Variants in OPCML observed in about 807,000 individuals in gnomAD.
The protein encoded by OPCML is opioid binding protein/cell adhesion molecule like, also known as opioid-binding protein/cell adhesion molecule.
Under a neutral mutation model 37.8 loss-of-function variants are expected in OPCML, and 13 were observed. The ratio of observed to expected loss-of-function variants is 0.34; its 90% CI spans 0.22 to 0.55. OPCML has a LOEUF of 0.55. Ranked by LOEUF, OPCML falls within the 20% of genes least tolerant of loss-of-function variation. OPCML has a pLI of 0.91. For missense variants in OPCML, 341 were observed against 435.6 expected (o/e 0.78, Z 1.93); for synonymous variants, 176 against 168.8 (o/e 1.04, Z -0.33).
Position 132,699,297 on chromosome 11 carries a change from C to T in OPCML, c.147-41978G>A, listed in dbSNP as rs188708676. Among the ~76,000 whole-genome samples, 235 of 152,136 alleles carry T rather than the reference C, an allele frequency of 1.5e-3. 1 individual carries two copies. The highest frequency in any genetic ancestry group is 1.8e-3 in the Non-Finnish European group (119 of 67,914). The stretch of plus-strand genomic sequence containing the variant: ...TATTTAAGATTATGTCATCTGCAAA[C>T]GGAGACAATTTTACTTCTTCTTTTC... On this transcript the variant is annotated intron_variant, in intron 2 of 7. Transcript: ENST00000524381.
intron 3 of OPCML, among the ~76,000 whole-genome samples, chr11:132,634,819 G>A (rs957305453): frequency 2.0e-5 from 3 of 152,040 alleles, no homozygotes. Flanking sequence ...GTAGATCCCA[G>A]AGTGAAGTCA....
chr11:132,537,987 T>C (rs2096345501), intron 3 of OPCML, among the ~76,000 whole-genome samples: 1 of 152,184 alleles, frequency 6.6e-6, no homozygotes, highest in Non-Finnish European at 1.5e-5. Flanking sequence ...ACAGCCACCT[T>C]GGAGGACAGT....
intron 4 of OPCML, among the ~76,000 whole-genome samples, chr11:132,443,298 G>C (rs1479705227): frequency 1.3e-5 from 2 of 152,206 alleles, no homozygotes; most frequent in African/African-American, 4.8e-5. Flanking sequence ...GTGGGGAAGG[G>C]GAAGTGGGAG....
chr11:133,472,720 A>AT (rs1264163923), intron 1 of OPCML, among the ~76,000 whole-genome samples: 6 of 151,846 alleles, frequency 4.0e-5, no homozygotes, highest in Non-Finnish European at 8.8e-5. Flanking sequence ...GAATCCTTTC[A>AT]TTTTTTCTCA....
chr11:132,748,063 CT>C (rs34569655), intron 2 of OPCML, among the ~76,000 whole-genome samples: 53,731 of 140,324 alleles, frequency 0.38, 9,778 homozygotes, highest in Middle Eastern at 0.51. Flanking sequence ...AGCTGCTTGT[CT>C]TTTTTTTTTT....
At chr11:133,477,436 G>A (rs980004966) in intron 1 of OPCML, among the ~76,000 whole-genome samples, 2 of 152,200 alleles carry the variant, frequency 1.3e-5, no homozygotes, top group African/African-American at 4.8e-5. Context: ...GCGATCCTCA[G>A]TGCACTAGAG....
chr11:133,495,691 T>A (rs1283712648), intron 1 of OPCML, among the ~76,000 whole-genome samples: 2 of 152,218 alleles, frequency 1.3e-5, no homozygotes, highest in Non-Finnish European at 2.9e-5. Flanking sequence ...TGTTGGCCAT[T>A]TGTATATCTT....
At chr11:133,458,847 G>GCACGTGTGTGTGTATCTACACATAGATA (rs1946788455) in intron 1 of OPCML, among the ~76,000 whole-genome samples, 2 of 135,074 alleles carry the variant, frequency 1.5e-5, no homozygotes, top group African/African-American at 6.7e-5. Flanking sequence ...ACACATAGAT[G>GCACGTGTGTGTGTATCTACACATAGATA]CACGTGTGTG....
intron 1 of OPCML, among the ~76,000 whole-genome samples, chr11:133,259,492 G>A (rs73598483): frequency 6.6e-6 from 1 of 152,102 alleles, no homozygotes; most frequent in Non-Finnish European, 1.5e-5. Context: ...ATTTCTTCTT[G>A]TAAAACTCTG....
chr11:133,357,456 C>A (rs1313773479), intron 1 of OPCML, among the ~76,000 whole-genome samples: 1 of 152,142 alleles, frequency 6.6e-6, no homozygotes, highest in East Asian at 1.9e-4. Flanking sequence ...GTTGGGAAAA[C>A]GTTTATCTGC....
chr11:133,303,941 C>G (rs984201765), intron 1 of OPCML, among the ~76,000 whole-genome samples: 1 of 152,174 alleles, frequency 6.6e-6, no homozygotes, highest in African/African-American at 2.4e-5. Flanking sequence ...TGCTATCATT[C>G]TATGTTTTTG....
chr11:132,836,366 G>A (rs1010138508), intron 2 of OPCML, among the ~76,000 whole-genome samples: 2 of 152,184 alleles, frequency 1.3e-5, no homozygotes, highest in Non-Finnish European at 2.9e-5. Context: ...TACAGCATGA[G>A]CCAGCTCTAG....
intron 1 of OPCML, chr11:133,025,221 G>A (rs1947529040): frequency 1.4e-6 from 1 of 705,062 alleles, no homozygotes; most frequent in Non-Finnish European, 1.7e-6. Context: ...TCATAGAAAT[G>A]TAAATTATTT....
chr11:133,035,749 G>T (rs1947767742), intron 1 of OPCML, among the ~76,000 whole-genome samples: 1 of 152,072 alleles, frequency 6.6e-6, no homozygotes, highest in South Asian at 2.1e-4. Flanking sequence ...CGTCAGGGTT[G>T]GCCCTAATCC....
chr11:133,461,973 A>G (rs11223476), intron 1 of OPCML, among the ~76,000 whole-genome samples: 20,092 of 151,974 alleles, frequency 0.13, 3,165 homozygotes, highest in African/African-American at 0.37. Flanking sequence ...GAAACAAACC[A>G]TAAAATATAT....
chr11:133,392,285 GA>G (rs1314578457), intron 1 of OPCML, among the ~76,000 whole-genome samples: 2 of 152,172 alleles, frequency 1.3e-5, no homozygotes, highest in Non-Finnish European at 2.9e-5. Flanking sequence ...CACAGTGAGA[GA>G]AGCATCCGAG....
intron 3 of OPCML, among the ~76,000 whole-genome samples, chr11:132,611,116 T>C (rs1938611835): frequency 6.6e-6 from 1 of 152,220 alleles, no homozygotes; most frequent in Non-Finnish European, 1.5e-5. Context: ...ACCTAGCTCA[T>C]TTGGTTTTCA....
intron 2 of OPCML, among the ~76,000 whole-genome samples, chr11:132,723,061 C>T (rs141451038): frequency 1.3e-5 from 2 of 152,110 alleles, no homozygotes; most frequent in African/African-American, 2.4e-5. Flanking sequence ...AAAAGAGAAC[C>T]TGATAATGCA....
chr11:133,252,853 A>T (rs901274234), intron 1 of OPCML, among the ~76,000 whole-genome samples: 3 of 152,182 alleles, frequency 2.0e-5, no homozygotes, highest in Non-Finnish European at 2.9e-5. Context: ...CTACTATAGA[A>T]ATAGTCTTCT....
Sources: allele counts gnomAD v4.1 joint callset (sites outside exome capture counted in the v4.1 genomes callset), GRCh38; gene constraint gnomAD v4.1.1; transcripts MANE v1.5; gene names NCBI Gene and HGNC (gene_info 2026-07-23, HGNC 2026-07-21).